Variants in RIOX2 observed in about 807,000 individuals in gnomAD.
RIOX2 encodes the protein ribosomal oxygenase 2, also known as 60S ribosomal protein L27a histidine hydroxylase.
RIOX2 carries 43 observed loss-of-function variants against 51.2 expected under a neutral mutation model. The ratio of observed to expected loss-of-function variants is 0.84; its 90% confidence interval spans 0.66 to 1.08. The LOEUF is 1.08. Among genes scored for constraint, RIOX2 ranks in the 50% least tolerant of loss-of-function variants. RIOX2 has a pLI of 0.00. For synonymous variants in RIOX2, 226 were observed against 218.5 expected, an observed-to-expected ratio of 1.03 and a Z score of -0.30; for missense variants, 566 against 561.7, an observed-to-expected ratio of 1.01 and a Z score of -0.08.
intron 1 of RIOX2, among the ~76,000 whole-genome samples, chr3:97,968,199 G>A (rs1255136410): frequency 6.6e-6 from 1 of 152,086 alleles, no homozygotes; most frequent in African/African-American, 2.4e-5. Context: ...GCAGGCCACT[G>A]CCTTCTCCTG....
chr3:97,967,780 C>A, intron 1 of RIOX2, 148 bp from the exon 2 acceptor site: 1 of 577,338 alleles, frequency 1.7e-6, no homozygotes, highest in Non-Finnish European at 3.0e-6. Context: ...GGATAGGAGA[C>A]AGCCTTAAGC....
intron 3 of RIOX2, 28 bp from the exon 4 acceptor site, chr3:97,959,207 C>G: frequency 6.2e-7 from 1 of 1,601,452 alleles, no homozygotes; most frequent in Non-Finnish European, 8.5e-7. Flanking sequence ...CCAGGAGCAT[C>G]AGAGAGCTTC....
Position 97,943,505 on chromosome 3 carries a change from T to C in RIOX2, c.*1679A>G. The C allele has an allele frequency of 1.9e-6, 1 of 538,898 alleles. No homozygotes were observed. The highest frequency in any genetic ancestry group is 3.2e-6 in the Non-Finnish European group (1 of 311,482). 33.4% of individuals were successfully genotyped at this position (538,898 alleles called of 1,614,324 possible). ...AAGCTCAAAATATTCTTGCCATTACTCAGTGTTCCTATAAAGAAAATATTA... is the reference window on the plus strand; with the variant it reads ...AAGCTCAAAATATTCTTGCCATTACCCAGTGTTCCTATAAAGAAAATATTA... On this transcript the variant is annotated 3_prime_UTR_variant, in exon 10 of 10. Coordinates refer to ENST00000394198, the MANE Select transcript of RIOX2 (RefSeq NM_153182.4).
chr3:97,963,935 C>T (rs147888649), intron 2 of RIOX2, among the ~76,000 whole-genome samples: 1 of 152,330 alleles, frequency 6.6e-6, no homozygotes, highest in East Asian at 1.9e-4. Context: ...ATCACTCCCA[C>T]TCAAACACTG....
At chr3:97,945,585 A>G (rs967465837) in intron 9 of RIOX2, 18 of 607,202 alleles carry the variant, frequency 3.0e-5, no homozygotes, top group African/African-American at 2.4e-4. Context: ...ATAAGGCTAC[A>G]GGTCCCAGCT....
chr3:97,957,192 C>A (rs1705481329), intron 4 of RIOX2, among the ~76,000 whole-genome samples: 2 of 151,594 alleles, frequency 1.3e-5, no homozygotes, highest in African/African-American at 4.9e-5. Context: ...CCTGAAGAGG[C>A]CCACTGGTTA....
rs893362869 is a variant in RIOX2, at chr3:97,945,218, G to C, written c.1364C>G (p.Ser455Cys). Residue 455 changes from serine (S) to cysteine (C), a missense_variant, in exon 10 of 10, where the codon TCC becomes TGC. By Grantham distance (112) the Ser-to-Cys change is moderately radical (BLOSUM62 -1). Transcript: ENST00000394198. ...TDEEKESLVL[S>C]LWTECLIQVV The stretch of plus-strand genomic sequence containing the variant: ...TTGAATTAAACATTCTGTCCAGAGG[G>C]ATAATACCAGGCTTTCCTTTTCCTC... The C allele has an allele frequency of 1.9e-6, 3 of 1,612,388 alleles. No individual in the cohort carries two copies. Among genetic ancestry groups the C allele is most frequent in the African/African-American group, 2.7e-5 (2 of 74,916 alleles).
chr3:97,964,730 G>GA (rs1176639011), intron 2 of RIOX2, among the ~76,000 whole-genome samples: 1 of 112,020 alleles, frequency 8.9e-6, no homozygotes, highest in Non-Finnish European at 1.9e-5. Context: ...AAGAAGGAAA[G>GA]AAAAAAAAGA....
At chr3:97,960,234 T>C (rs1705625203) in intron 3 of RIOX2, among the ~76,000 whole-genome samples, 1 of 152,196 alleles carries the variant, frequency 6.6e-6, no homozygotes, top group Admixed American at 6.5e-5. Context: ...AATTGCTTGA[T>C]GTGTATTGTA....
chr3:97,954,889 A>G (rs1705396517), intron 4 of RIOX2, among the ~76,000 whole-genome samples: 1 of 152,192 alleles, frequency 6.6e-6, no homozygotes, highest in South Asian at 2.1e-4. Flanking sequence ...AGAGTCACAC[A>G]GACACAGCCA....
At chr3:97,962,935 G>A (rs1559763408) in intron 2 of RIOX2, among the ~76,000 whole-genome samples, 1 of 152,178 alleles carries the variant, frequency 6.6e-6, no homozygotes, top group Non-Finnish European at 1.5e-5. Context: ...GCACTAAAGA[G>A]ACTGAAGTTT....
intron 6 of RIOX2, among the ~76,000 whole-genome samples, chr3:97,950,345 G>C (rs1705196103): frequency 6.6e-6 from 1 of 152,166 alleles, no homozygotes; most frequent in Admixed American, 6.5e-5. Context: ...AGCAACCTTT[G>C]CTCAACTCAG....
chr3:97,946,598 A>ATATATATATATATATATATC (rs2040369287), intron 8 of RIOX2, among the ~76,000 whole-genome samples: 1 of 134,130 alleles, frequency 7.5e-6, no homozygotes, highest in African/African-American at 2.7e-5. Context: ...ATATATATAT[A>ATATATATATATATATATATC]TATATATATC....
intron 4 of RIOX2, among the ~76,000 whole-genome samples, chr3:97,957,173 A>G (rs1705480457): frequency 6.6e-6 from 1 of 152,170 alleles, no homozygotes; most frequent in South Asian, 2.1e-4. Context: ...GCATTGACAC[A>G]AGGTTTCGCC....
intron 2 of RIOX2, among the ~76,000 whole-genome samples, 159 bp from the exon 3 acceptor site, chr3:97,961,867 T>C (rs1431800274): frequency 2.0e-5 from 3 of 152,206 alleles, no homozygotes; most frequent in East Asian, 1.9e-4. Context: ...CCAATACCCA[T>C]GGTCTCAAAA....
chr3:97,971,791 T>G (rs1706142588), intron 1 of RIOX2: 1 of 152,234 alleles, frequency 6.6e-6, no homozygotes, highest in Non-Finnish European at 1.5e-5. Context: ...CTGAAAACAG[T>G]GAATAACCTG....
At position 97,959,506 on chromosome 3, in the gene RIOX2, T is replaced by C. The variant is rs151063669; in HGVS notation, c.553-327A>G. Among the ~76,000 whole-genome samples the C allele has an allele frequency of 6.6e-4, 100 of 151,988 alleles. 1 individual carries two copies. The East Asian group carries it at 6.6e-3, about 10-fold the overall frequency. ...AGCTAATTTATCTTCTTTGTAGAGA[T>C]GGGGTGTCACTTTGTTGCCCAGAAT... On this transcript the variant is annotated intron_variant, in intron 3 of 9. Transcript: ENST00000394198.
At chr3:97,959,258 T>C in intron 3 of RIOX2, 79 bp from the exon 4 acceptor site, 4 of 1,286,612 alleles carry the variant, frequency 3.1e-6, no homozygotes, top group Non-Finnish European at 3.2e-6. Context: ...CTATTAGCCC[T>C]CTAAGGGGCT....
chr3:97,946,602 A>ATATATATATATATCTATATC (rs1028298878), intron 8 of RIOX2, among the ~76,000 whole-genome samples: 26 of 137,340 alleles, frequency 1.9e-4, no homozygotes, highest in African/African-American at 6.4e-4. Context: ...ATATATATAT[A>ATATATATATATATCTATATC]TATATCTATT....
Sources: allele counts gnomAD v4.1 joint callset (sites outside exome capture counted in the v4.1 genomes callset), GRCh38; gene constraint gnomAD v4.1.1; transcripts MANE v1.5; gene names NCBI Gene and HGNC (gene_info 2026-07-23, HGNC 2026-07-21).